The following EPHA6 variants were observed in gnomAD, a reference collection of about 807,000 sequenced individuals.
EPHA6 encodes the protein EPH receptor A6, also known as ephrin type-A receptor 6.
A neutral mutation model predicts 112.0 loss-of-function variants in EPHA6; 50 were observed. That is an observed-to-expected ratio of 0.45 (90% CI 0.36 to 0.56). EPHA6 has a LOEUF of 0.56. EPHA6 is among the 20% of genes least tolerant of loss of function. The probability of loss-of-function intolerance (pLI) is 0.00; values close to 1 mark genes in which losing one functional copy is unlikely to be tolerated. For missense variants in EPHA6, 1,280 were observed against 1,417.4 expected (o/e 0.90, Z 1.56); for synonymous variants, 529 against 490.7 (o/e 1.08, Z -1.03).
intron 10 of EPHA6, among the ~76,000 whole-genome samples, chr3:97,526,906 C>A (rs2092629274): frequency 6.8e-6 from 1 of 147,744 alleles, no homozygotes; most frequent in Admixed American, 6.7e-5. Flanking sequence ...GGGATTACTC[C>A]CAGACTATGG....
At chr3:97,371,848 C>T (rs745871423) in intron 5 of EPHA6, among the ~76,000 whole-genome samples, 6 of 152,026 alleles carry the variant, frequency 3.9e-5, no homozygotes, top group African/African-American at 2.4e-5. Flanking sequence ...TGTCTTTTAC[C>T]GTCGTACATA....
chr3:97,627,939 C>G (rs571255395), intron 13 of EPHA6, among the ~76,000 whole-genome samples: 18 of 152,046 alleles, frequency 1.2e-4, no homozygotes, highest in African/African-American at 4.3e-4. Context: ...GTCCAATATG[C>G]AGCCAAGTTG....
intron 1 of EPHA6, among the ~76,000 whole-genome samples, chr3:96,827,389 G>A (rs1464794824): frequency 1.3e-5 from 2 of 151,906 alleles, no homozygotes; most frequent in East Asian, 1.9e-4. Flanking sequence ...GGAACAATGT[G>A]TATTATTCTT....
chr3:97,170,123 A>G (rs1267197541), intron 3 of EPHA6, among the ~76,000 whole-genome samples: 4 of 120,706 alleles, frequency 3.3e-5, no homozygotes, highest in African/African-American at 1.9e-4. Context: ...CAGAACTTAA[A>G]GAAAAAAAAA....
chr3:97,051,768 G>C (rs1047201737), intron 3 of EPHA6, among the ~76,000 whole-genome samples: 1 of 152,056 alleles, frequency 6.6e-6, no homozygotes, highest in Non-Finnish European at 1.5e-5. Flanking sequence ...TGATGTTTAG[G>C]TCTCACCCTC....
chr3:97,045,421 T>C (rs926586252), intron 3 of EPHA6, among the ~76,000 whole-genome samples: 2 of 152,128 alleles, frequency 1.3e-5, no homozygotes, highest in East Asian at 3.9e-4. Context: ...AATCAACACT[T>C]ATCTGACATA....
intron 14 of EPHA6, among the ~76,000 whole-genome samples, chr3:97,658,230 T>G (rs1317612175): frequency 6.6e-6 from 1 of 151,852 alleles, no homozygotes; most frequent in East Asian, 1.9e-4. Flanking sequence ...CCCTGATTTT[T>G]TTCTCTGGTG....
chr3:97,207,058 TA>T (rs2077733112), intron 3 of EPHA6, among the ~76,000 whole-genome samples: 1 of 152,100 alleles, frequency 6.6e-6, no homozygotes, highest in African/African-American at 2.4e-5. Flanking sequence ...CATAAAAGTG[TA>T]TATTACAATT....
intron 3 of EPHA6, among the ~76,000 whole-genome samples, chr3:96,995,173 A>G (rs1024327457): frequency 3.3e-5 from 5 of 152,038 alleles, no homozygotes; most frequent in Admixed American, 2.6e-4. Context: ...CAGTTCAGAA[A>G]CATTTATGCT....
At position 97,751,687 on chromosome 3, in the gene EPHA6, T is replaced by C. The variant is rs2035905001; in HGVS notation, c.*2986T>C. On this transcript the variant is annotated 3_prime_UTR_variant, in exon 18 of 18. Coordinates refer to ENST00000389672, the MANE Select transcript of EPHA6 (RefSeq NM_001080448.3). The stretch of plus-strand genomic sequence containing the variant: ...TAAATTTTAGGTAATTAAATCTGTT[T>C]AATATGCAAAGCATAAAACTTAATT... Among the ~76,000 whole-genome samples, 2 of 152,098 alleles carry C rather than the reference T, an allele frequency of 1.3e-5. No homozygotes were observed. The highest frequency in any genetic ancestry group is 1.3e-4 in the Admixed American group (2 of 15,276).
At chr3:97,345,086 A>AG (rs2083473063) in intron 5 of EPHA6, among the ~76,000 whole-genome samples, 1 of 152,160 alleles carries the variant, frequency 6.6e-6, no homozygotes, top group African/African-American at 2.4e-5. Flanking sequence ...GAGGGGAAAA[A>AG]AAAAAGGTCC....
At chr3:96,857,630 A>G (rs1270469769) in intron 1 of EPHA6, among the ~76,000 whole-genome samples, 1 of 152,016 alleles carries the variant, frequency 6.6e-6, no homozygotes, top group Non-Finnish European at 1.5e-5. Flanking sequence ...TGTGTAAATG[A>G]TATGACAACT....
At chr3:96,913,213 CCA>C (rs148069750) in intron 2 of EPHA6, among the ~76,000 whole-genome samples, 22 of 111,812 alleles carry the variant, frequency 2.0e-4, no homozygotes, top group African/African-American at 4.9e-4. Flanking sequence ...CACACACACA[CCA>C]CACACACGGG....
At chr3:97,648,474 A>G in intron 14 of EPHA6, 1 of 1,292,202 alleles carries the variant, frequency 7.7e-7, no homozygotes, top group Non-Finnish European at 9.8e-7. Context: ...TCCTTCACCT[A>G]ATTTAGGTGT....
At chr3:97,717,973 T>C (rs896830709) in intron 14 of EPHA6, among the ~76,000 whole-genome samples, 2 of 152,186 alleles carry the variant, frequency 1.3e-5, no homozygotes, top group African/African-American at 2.4e-5. Flanking sequence ...CCCACAAAGA[T>C]TTAGCAAAGG....
At chr3:97,108,053 CA>C (rs1182497747) in intron 3 of EPHA6, among the ~76,000 whole-genome samples, 2 of 152,136 alleles carry the variant, frequency 1.3e-5, no homozygotes, top group African/African-American at 4.8e-5. Context: ...TCCTTCAAAA[CA>C]TAGCAGGATA....
intron 13 of EPHA6, among the ~76,000 whole-genome samples, chr3:97,627,709 TAAG>T (rs1039135614): frequency 1.3e-5 from 2 of 151,836 alleles, no homozygotes; most frequent in African/African-American, 4.8e-5. Flanking sequence ...GAAGATTATG[TAAG>T]AAGAATAGTA....
At chr3:97,182,022 T>C (rs1454168143) in intron 3 of EPHA6, among the ~76,000 whole-genome samples, 1 of 152,088 alleles carries the variant, frequency 6.6e-6, no homozygotes, top group East Asian at 1.9e-4. Context: ...GAAGTATAAC[T>C]GCCAAAGGTT....
chr3:97,019,530 T>C (rs967939010), intron 3 of EPHA6, among the ~76,000 whole-genome samples: 5 of 152,156 alleles, frequency 3.3e-5, no homozygotes, highest in Non-Finnish European at 7.4e-5. Flanking sequence ...TGCCTGTCTC[T>C]ACCTCATTTC....
Sources: gnomAD v4.1 joint callset for allele counts (sites outside exome capture counted in the v4.1 genomes callset) on GRCh38, gnomAD v4.1.1 for gene constraint, MANE v1.5 for transcripts, NCBI Gene and HGNC (gene_info 2026-07-23, HGNC 2026-07-21) for gene names.